The following FLT4 variants were observed in gnomAD, a reference collection of about 807,000 sequenced individuals.
FLT4 encodes vascular endothelial growth factor receptor 3.
Under a neutral mutation model 163.2 loss-of-function variants are expected in FLT4, and 30 were observed. That is an observed-to-expected ratio of 0.18 (90% CI 0.14 to 0.25). The LOEUF (loss-of-function observed/expected upper bound fraction) is 0.25. FLT4 is among the 10% of genes least tolerant of loss of function. The probability of loss-of-function intolerance (pLI) is 1.00; values close to 1 mark genes in which losing one functional copy is unlikely to be tolerated. For missense variants in FLT4, 1,510 were observed against 1,863.8 expected, an observed-to-expected ratio of 0.81 and a Z score of 3.50; for synonymous variants, 884 against 789.5, an observed-to-expected ratio of 1.12 and a Z score of -2.01.
chr5:180,614,844 C>T (rs914991977), intron 23 of FLT4, among the ~76,000 whole-genome samples: 1 of 152,168 alleles, frequency 6.6e-6, no homozygotes, highest in Non-Finnish European at 1.5e-5. Flanking sequence ...CAAGACCAGG[C>T]CCTGGGCCCA....
intron 29 of FLT4, chr5:180,608,118 C>T (rs1561689364): frequency 1.4e-6 from 1 of 700,478 alleles, no homozygotes; most frequent in Non-Finnish European, 2.6e-6. Flanking sequence ...AGTGGTCACA[C>T]TCCTTGTCCA....
At chr5:180,642,326 C>T (rs963705619) in intron 1 of FLT4, among the ~76,000 whole-genome samples, 5 of 152,030 alleles carry the variant, frequency 3.3e-5, no homozygotes, top group Non-Finnish European at 5.9e-5. Context: ...CCTGTGTTGT[C>T]GTCAGAGCAT....
In FLT4 at chr5:180,628,996, T is replaced by A; in HGVS notation, c.989A>T (p.Asn330Ile). 1 of 1,611,374 alleles carries A rather than the reference T, an allele frequency of 6.2e-7. No homozygotes were observed. The highest frequency in any genetic ancestry group is 2.2e-5 in the East Asian group (1 of 44,858). Reference protein sequence around the residue: ...RESTEVIVHENPFISVEWLKG... With the variant: ...RESTEVIVHEIPFISVEWLKG... ...GAGCCACTCGACGCTGATGAAGGGA[T>A]TTTCTGCCGGACAGGAGAAGTCACT... is the stretch of plus-strand genomic sequence containing the variant. The change falls in exon 8 of 30, where the codon AAT (asparagine) becomes ATT (isoleucine). Residue 330 changes from asparagine to isoleucine, a missense_variant. By Grantham distance (149) the Asn-to-Ile change is moderately radical. This residue lies in a region of FLT4 where 163 missense variants were observed against 281.1 expected (regional missense o/e 0.58). Coordinates refer to ENST00000261937, the MANE Select transcript of FLT4 (RefSeq NM_182925.5).
In FLT4 at chr5:180,626,185, C is replaced by T. The variant is rs773727727; in HGVS notation, c.1184G>A (p.Gly395Asp). The change falls in exon 9 of 30, where the codon GGC becomes GAC. Residue 395 changes from glycine (G) to aspartate (D), a missense_variant. By Grantham distance (94) the Gly-to-Asp change is moderately conservative. Around this residue, in one of 5 missense-constraint regions of FLT4, gnomAD observed 878 missense variants for 1,016.7 expected, o/e 0.86. Transcript: ENST00000261937. ...GTTCCACAGGGCGAGGGTGTAGGTGCCTGTGCTGGCCTCTGTCACCTCCTT... is the reference window on the plus strand; with the variant it reads ...GTTCCACAGGGCGAGGGTGTAGGTGTCTGTGCTGGCCTCTGTCACCTCCTT... Reference protein sequence around the residue: ...VLKEVTEASTGTYTLALWNSA... With the variant: ...VLKEVTEASTDTYTLALWNSA... The T allele has an allele frequency of 1.9e-6, 3 of 1,612,738 alleles. No individual in the cohort carries two copies. The highest frequency in any genetic ancestry group is 1.1e-5 in the South Asian group (1 of 91,076).
chr5:180,633,183 C>T (rs928251719), intron 1 of FLT4, among the ~76,000 whole-genome samples: 5 of 152,212 alleles, frequency 3.3e-5, no homozygotes, highest in African/African-American at 7.2e-5. Flanking sequence ...CGGCCTCACA[C>T]GGGCAATGTG....
intron 10 of FLT4, among the ~76,000 whole-genome samples, 187 bp from the exon 11 acceptor site, chr5:180,624,248 C>T (rs1381514728): frequency 7.1e-6 from 1 of 140,920 alleles, no homozygotes; most frequent in African/African-American, 2.7e-5. Context: ...TTTTTTGAGA[C>T]GGAGTTTCAC....
In FLT4 at chr5:180,647,019, C is replaced by A. The variant is rs535320964; in HGVS notation, c.58+2469G>T. Among the ~76,000 whole-genome samples, 443 of 152,268 alleles carry A rather than the reference C, an allele frequency of 2.9e-3. 1 individual carries two copies. The highest frequency in any genetic ancestry group is 3.4e-3 in the Middle Eastern group (1 of 294). ...CAGGCCCAAGTAAAGTGGGCCTGAT[C>A]CCCACATCCTGCCTGCAGTGACTTG... is the stretch of plus-strand genomic sequence containing the variant. On this transcript the variant is annotated intron_variant, in intron 1 of 29. Transcript: ENST00000261937.
In FLT4 at chr5:180,649,403, C is replaced by T. The variant is rs114838148; in HGVS notation, c.58+85G>A. 82,713 of 1,018,646 alleles carry T rather than the reference C, an allele frequency of 0.081. 3,741 individuals carry two copies. The highest frequency in any genetic ancestry group is 0.091 in the Non-Finnish European group (67,028 of 739,460). 63.1% of individuals were successfully genotyped at this position (1,018,646 alleles called of 1,614,324 possible). A position where few individuals can be genotyped will look rare whatever the true frequency, so the allele number is the denominator to read the frequency against. On this transcript the variant is annotated intron_variant, in intron 1 of 29. Transcript: ENST00000261937. ...TGTCCCCCGCCCGTACCCGGCGGAG[C>T]GGTCTCAGCGCCCGCCCCAGGTGCG...
chr5:180,621,857 G>A lies in FLT4; in HGVS notation c.1705C>T (p.Leu569=). 3.7e-6 allele frequency: 6 copies of A among 1,613,458 alleles called. No individual in the cohort carries two copies. Among genetic ancestry groups the A allele is most frequent in the Non-Finnish European group, 5.1e-6 (6 of 1,179,980 alleles). The change falls in exon 13 of 30, where the codon CTA becomes TTA. Residue 569 remains leucine, a synonymous_variant. Coordinates refer to ENST00000261937, the MANE Select transcript of FLT4 (RefSeq NM_182925.5). ...CTCAGGAGCACCGGCTGGCCCTCTAGTAGCTCCTCGGATGGCTTGGATTCG... is the reference window on the plus strand; with the variant it reads ...CTCAGGAGCACCGGCTGGCCCTCTAATAGCTCCTCGGATGGCTTGGATTCG... ...TIESKPSEEL[L]EGQPVLLSCQ...
At chr5:180,621,515 C>T (rs919087717) in intron 13 of FLT4, 27 bp downstream of exon 13, 3 of 1,608,918 alleles carry the variant, frequency 1.9e-6, no homozygotes, top group Non-Finnish European at 2.5e-6. Flanking sequence ...GAGAGCGCGT[C>T]CCCGCCCTCC....
rs569295679 is a variant in FLT4, at chr5:180,619,411, C to T, written c.2648-45G>A. On this transcript the variant is annotated intron_variant, in intron 18 of 29. Transcript: ENST00000261937. ...CACACCGGCCCCGACCCTGGCAGGT[C>T]CCCGTTCCCCGCCACCCGGCGCTTT... The T allele has an allele frequency of 4.0e-6, 6 of 1,499,348 alleles. 1 individual carries two copies. Among genetic ancestry groups the T allele is most frequent in the African/African-American group, 1.4e-5 (1 of 72,894 alleles). The allele number at this position is 1,499,348 out of a possible 1,614,324, so 92.9% of individuals were successfully genotyped here.
In FLT4 at chr5:180,620,355, C is replaced by G; in HGVS notation, c.2407-47G>C. 6.2e-7 allele frequency: 1 copy of G among 1,605,836 alleles called. No homozygotes were observed. The highest frequency in any genetic ancestry group is 8.5e-7 in the Non-Finnish European group (1 of 1,179,218). Reference sequence around the variant, plus strand: ...GAGTGGGGCAGCTCACTGATTTGGCCATACCACTGTGGCTTGGGCAGAACT... The same window carrying G: ...GAGTGGGGCAGCTCACTGATTTGGCGATACCACTGTGGCTTGGGCAGAACT... On this transcript the variant is annotated intron_variant, in intron 16 of 29. Coordinates refer to ENST00000261937, the MANE Select transcript of FLT4 (RefSeq NM_182925.5). The surrounding 1 kb of genome is among the most constrained non-coding windows in gnomAD (Gnocchi z 4.4).
chr5:180,608,468 T>C (rs946329105), intron 29 of FLT4, among the ~76,000 whole-genome samples: 3 of 152,106 alleles, frequency 2.0e-5, no homozygotes, highest in Non-Finnish European at 4.4e-5. Flanking sequence ...GCCCAGCTGT[T>C]TTCTCTTTAT....
chr5:180,616,587 G>A, intron 22 of FLT4, 98 bp from the exon 23 acceptor site: 2 of 1,348,702 alleles, frequency 1.5e-6, no homozygotes, highest in Non-Finnish European at 2.1e-6. Context: ...GGGGACCATG[G>A]GGATGCCCTG....
rs563290310 is a variant in FLT4, at chr5:180,632,190, G to A, written c.59-412C>T. Among the ~76,000 whole-genome samples, 4 of 149,322 alleles carry A rather than the reference G, an allele frequency of 2.7e-5. No homozygotes were observed. In the South Asian group the frequency reaches 6.3e-4, roughly 24 times the overall value. The stretch of plus-strand genomic sequence containing the variant: ...CCTCCTGAACTGCAGCCCTACACCC[G>A]CTGCTTCCCAGAGGGTCCGCACATC... On this transcript the variant is annotated intron_variant, in intron 1 of 29. Coordinates refer to ENST00000261937, the MANE Select transcript of FLT4 (RefSeq NM_182925.5).
At position 180,628,997 on chromosome 5, in the gene FLT4, T is replaced by G; in HGVS notation, c.988A>C (p.Asn330His). ...AGCCACTCGACGCTGATGAAGGGAT[T>G]TTCTGCCGGACAGGAGAAGTCACTG... is the stretch of plus-strand genomic sequence containing the variant. ...RESTEVIVHE[N>H]PFISVEWLKG... Residue 330 changes from asparagine to histidine, a missense_variant and splice_region_variant, in exon 8 of 30, where the codon AAT becomes CAT. By Grantham distance (68) the Asn-to-His change is moderately conservative. This residue lies in a region of FLT4 where 163 missense variants were observed against 281.1 expected (regional missense o/e 0.58). Transcript: ENST00000261937. 6.2e-7 allele frequency: 1 copy of G among 1,611,094 alleles called. No homozygotes were observed. Among genetic ancestry groups the G allele is most frequent in the Non-Finnish European group, 8.5e-7 (1 of 1,178,488 alleles).
intron 23 of FLT4, among the ~76,000 whole-genome samples, chr5:180,614,986 T>C (rs1228434747): frequency 6.6e-6 from 1 of 152,170 alleles, no homozygotes; most frequent in Non-Finnish European, 1.5e-5. Flanking sequence ...GAGTTCCACA[T>C]ACTGCACCAA....
chr5:180,629,465 G>T, intron 6 of FLT4, 38 bp from the exon 7 acceptor site: 1 of 1,605,560 alleles, frequency 6.2e-7, no homozygotes, highest in Non-Finnish European at 8.5e-7. Flanking sequence ...CAGCAGGCGG[G>T]CTCCTGCACA....
chr5:180,639,959 G>A (rs751185461), intron 1 of FLT4, among the ~76,000 whole-genome samples: 59 of 152,332 alleles, frequency 3.9e-4, no homozygotes, highest in Non-Finnish European at 7.1e-4. Context: ...CAGCAGCGTG[G>A]TTGGGGCAGG....
Sources: gnomAD v4.1 joint callset for allele counts (sites outside exome capture counted in the v4.1 genomes callset) on GRCh38, gnomAD v4.1.1 for gene constraint, gnomAD v4.1.1 regional missense constraint, Gnocchi (gnomAD v3.1) non-coding constraint, MANE v1.5 for transcripts, NCBI Gene and HGNC (gene_info 2026-07-23, HGNC 2026-07-21) for gene names.